Variants in TM6SF1 observed in about 807,000 individuals in gnomAD.
TM6SF1 encodes transmembrane 6 superfamily member 1.
A neutral mutation model predicts 47.1 loss-of-function variants in TM6SF1; 43 were observed. That is an observed-to-expected ratio of 0.91 (90% CI 0.72 to 1.18). The LOEUF (loss-of-function observed/expected upper bound fraction) is 1.18. Ranked by LOEUF, TM6SF1 falls within the 50% of genes most tolerant of loss-of-function variation. TM6SF1 has a pLI of 0.00. For missense variants in TM6SF1, 390 were observed against 449.0 expected (o/e 0.87, Z 1.19); for synonymous variants, 177 against 166.3 (o/e 1.06, Z -0.49).
At chr15:83,136,418 T>G (rs1263596496) in intron 9 of TM6SF1, 63 bp from the exon 10 acceptor site, 2 of 1,437,886 alleles carry the variant, frequency 1.4e-6, no homozygotes, top group Non-Finnish European at 1.9e-6. Context: ...CATTCAGAAC[T>G]CATCATGCAT....
At chr15:83,124,161 A>ATAT (rs2035520035) in intron 6 of TM6SF1, among the ~76,000 whole-genome samples, 1 of 152,218 alleles carries the variant, frequency 6.6e-6, no homozygotes, top group Non-Finnish European at 1.5e-5. Context: ...CATGTGGGAA[A>ATAT]GTGCTTATAA....
chr15:83,112,364 G>T (rs1185779569), intron 1 of TM6SF1, among the ~76,000 whole-genome samples: 1 of 152,150 alleles, frequency 6.6e-6, no homozygotes, highest in African/African-American at 2.4e-5. Flanking sequence ...TATATTCCTT[G>T]GAGCTCAGTC....
chr15:83,113,627 A>C (rs2034394137), intron 2 of TM6SF1: 1 of 152,470 alleles, frequency 6.6e-6, no homozygotes, highest in Non-Finnish European at 1.5e-5. Flanking sequence ...TACAGCAACA[A>C]ACATTTATTT....
Position 83,107,973 on chromosome 15 carries a change from T to A in TM6SF1, c.92+201T>A. ...CGGGCCGGGTCTTGGAGCCGGGCCCTGAGGTGCCCAGGCTGGCGCATTTCG... is the reference window on the plus strand; with the variant it reads ...CGGGCCGGGTCTTGGAGCCGGGCCCAGAGGTGCCCAGGCTGGCGCATTTCG... On this transcript the variant is annotated intron_variant, in intron 1 of 9. Transcript: ENST00000322019. This position sits in a 1 kb window ranked among gnomAD's most constrained non-coding sequence, Gnocchi z 5.6. 9.2e-7 allele frequency: 1 copy of A among 1,092,890 alleles called. No homozygotes were observed. The highest frequency in any genetic ancestry group is 1.2e-6 in the Non-Finnish European group (1 of 843,152). 67.7% of individuals were successfully genotyped at this position (1,092,890 alleles called of 1,614,324 possible).
At chr15:83,118,505 C>T (rs1191857724) in intron 3 of TM6SF1, among the ~76,000 whole-genome samples, 2 of 152,186 alleles carry the variant, frequency 1.3e-5, no homozygotes, top group Admixed American at 6.5e-5. Context: ...AGAGAAGGGA[C>T]GTGGGCCTGG....
At position 83,121,983 on chromosome 15, in the gene TM6SF1, T is replaced by G; in HGVS notation, c.461T>G (p.Phe154Cys). ...TCTATTATTATGAGTGTTGTTGTTTTTGTGCCAGGAAACATTGTAGGTAAG... is the reference window on the plus strand; with the variant it reads ...TCTATTATTATGAGTGTTGTTGTTTGTGTGCCAGGAAACATTGTAGGTAAG... ...VGSIIMSVVV[F>C]VPGNIVGKYG... Residue 154 changes from phenylalanine (F) to cysteine (C), a missense_variant, in exon 5 of 10, where the codon TTT becomes TGT. Coordinates refer to ENST00000322019, the MANE Select transcript of TM6SF1 (RefSeq NM_023003.5). 1 of 1,611,734 alleles carries G rather than the reference T, an allele frequency of 6.2e-7. No individual in the cohort carries two copies. Among genetic ancestry groups the G allele is most frequent in the East Asian group, 2.2e-5 (1 of 44,770 alleles).
chr15:83,136,145 G>T (rs2036593555), intron 9 of TM6SF1: 1 of 189,258 alleles, frequency 5.3e-6, no homozygotes, highest in East Asian at 1.3e-4. Context: ...AAAAATTTGA[G>T]ATTTTATTCA....
At position 83,127,449 on chromosome 15, in the gene TM6SF1, C is replaced by G. The variant is rs1290288352; in HGVS notation, c.893C>G (p.Thr298Arg). 1 of 1,613,828 alleles carries G rather than the reference C, an allele frequency of 6.2e-7. No homozygotes were observed. The highest frequency in any genetic ancestry group is 2.2e-5 in the East Asian group (1 of 44,838). The change falls in exon 9 of 10, where the codon ACA becomes AGA. Residue 298 changes from threonine to arginine, a missense_variant. Transcript: ENST00000322019. ...GGATGTTCCTGGATGCCTGACATCA[C>G]ATTGATACATGCTGGAGGTCTGGCT... ...VPGCSWMPDITLIHAGGLAQA... is the reference protein window; with the variant it reads ...VPGCSWMPDIRLIHAGGLAQA...
At chr15:83,110,616 T>C (rs1271753735) in intron 1 of TM6SF1, among the ~76,000 whole-genome samples, 1 of 152,188 alleles carries the variant, frequency 6.6e-6, no homozygotes, top group Non-Finnish European at 1.5e-5. Flanking sequence ...AGTTGTCACC[T>C]GACCACCACC....
intron 9 of TM6SF1, chr15:83,133,350 C>G (rs2036386266): frequency 1.3e-5 from 2 of 152,224 alleles, no homozygotes; most frequent in Non-Finnish European, 2.9e-5. Context: ...TCAGTTCCTC[C>G]TTGTGGAACC....
chr15:83,133,437 G>C (rs1381597988), intron 9 of TM6SF1: 1 of 151,952 alleles, frequency 6.6e-6, no homozygotes, highest in Non-Finnish European at 1.5e-5. Flanking sequence ...TTTAACCTTT[G>C]TTCACCTTAT....
chr15:83,115,307 G>A (rs950642335), intron 2 of TM6SF1: 3 of 225,956 alleles, frequency 1.3e-5, no homozygotes, highest in South Asian at 1.3e-4. Context: ...TAGTAGAGAC[G>A]GGGTTTCAAT....
At chr15:83,121,627 A>G (rs762362477) in intron 4 of TM6SF1, among the ~76,000 whole-genome samples, 3 of 152,204 alleles carry the variant, frequency 2.0e-5, no homozygotes, top group Non-Finnish European at 4.4e-5. Flanking sequence ...TTTCACACAC[A>G]ATAGGGAAAT....
At chr15:83,117,978 G>T (rs182364668) in intron 3 of TM6SF1, among the ~76,000 whole-genome samples, 1 of 152,138 alleles carries the variant, frequency 6.6e-6, no homozygotes, top group South Asian at 2.1e-4. Context: ...AAAGTTGATA[G>T]ATTTGCTGAG....
chr15:83,116,157 A>G (rs766679511), intron 3 of TM6SF1, among the ~76,000 whole-genome samples: 21 of 152,200 alleles, frequency 1.4e-4, no homozygotes, highest in Non-Finnish European at 2.5e-4. Context: ...TTCAGCTCTC[A>G]CGGCTTCTCT....
chr15:83,121,544 C>G (rs2035245718), intron 4 of TM6SF1, among the ~76,000 whole-genome samples: 2 of 152,130 alleles, frequency 1.3e-5, no homozygotes, highest in East Asian at 3.8e-4. Context: ...ATAACTCATA[C>G]TTATAATGAT....
intron 1 of TM6SF1, among the ~76,000 whole-genome samples, chr15:83,110,201 TGA>T (rs769884706): frequency 1.3e-5 from 2 of 152,172 alleles, no homozygotes; most frequent in East Asian, 1.9e-4. Context: ...CCTCTCTCAC[TGA>T]GAGAGACACA....
intron 1 of TM6SF1, among the ~76,000 whole-genome samples, chr15:83,108,755 AGCTGGTCAG>A (rs2033893261): frequency 6.6e-6 from 1 of 152,206 alleles, no homozygotes; most frequent in Admixed American, 6.5e-5. Flanking sequence ...AACCCCCTTC[AGCTGGTCAG>A]GCCGTGGAGT....
At position 83,136,542 on chromosome 15, in the gene TM6SF1, C is replaced by A. The variant is rs1391350673; in HGVS notation, c.983C>A (p.Pro328His). The part of the protein sequence containing the change: ...HARTAYVYRV[P>H]EEAKILFLAL... ...AGAACTGCTTATGTCTACAGAGTCC[C>A]TGAAGAAGCAAAAATCCTTTTTTTA... The change falls in exon 10 of 10, where the codon CCT becomes CAT. Residue 328 changes from proline (P) to histidine (H), a missense_variant. Coordinates refer to ENST00000322019, the MANE Select transcript of TM6SF1 (RefSeq NM_023003.5). 3.1e-6 allele frequency: 5 copies of A among 1,613,584 alleles called. No individual in the cohort carries two copies. The South Asian group carries it at 5.5e-5, about 18-fold the overall frequency.
Sources: gnomAD v4.1 joint callset for allele counts (sites outside exome capture counted in the v4.1 genomes callset) on GRCh38, gnomAD v4.1.1 for gene constraint, Gnocchi (gnomAD v3.1) non-coding constraint, MANE v1.5 for transcripts, NCBI Gene and HGNC (gene_info 2026-07-23, HGNC 2026-07-21) for gene names.